The following RNU7-1 variants were observed in gnomAD, a reference collection of about 807,000 sequenced individuals.
RNU7-1 encodes the protein RNA, small nuclear U7.
rs139594532 is a variant in RNU7-1, at chr12:6,943,866, C to T, written n.51C>T. ...GTCTAGTAGGCTTTCTGGCTTTTTACCGGAAAGCCCCTCTTATGATGTTTG... is the reference window on the plus strand; with the variant it reads ...GTCTAGTAGGCTTTCTGGCTTTTTATCGGAAAGCCCCTCTTATGATGTTTG... On this transcript the variant is annotated non_coding_transcript_exon_variant, in exon 1 of 1. Transcript: ENST00000458811. The T allele has an allele frequency of 3.8e-3, 3,550 of 934,242 alleles. 9 individuals carry two copies. Among genetic ancestry groups the T allele is most frequent in the African/African-American group, 0.013 (765 of 59,148 alleles). 57.9% of individuals were successfully genotyped at this position (934,242 alleles called of 1,614,324 possible).
exon 1 of RNU7-1, chr12:6,943,824 C>T (rs1042541494): frequency 3.7e-5 from 32 of 857,344 alleles, no homozygotes; most frequent in Middle Eastern, 3.9e-4. Context: ...AGCAGTGTTA[C>T]AGCTCTTTTA....
chr12:6,943,827 C>G (rs782652720), exon 1 of RNU7-1: 51 of 863,248 alleles, frequency 5.9e-5, no homozygotes, highest in Non-Finnish European at 4.3e-5. Flanking sequence ...AGTGTTACAG[C>G]TCTTTTAGAA....
At chr12:6,943,876 CCT>C (rs1425154533) in exon 1 of RNU7-1, 6 of 982,394 alleles carry the variant, frequency 6.1e-6, no homozygotes, top group East Asian at 1.2e-4. Context: ...CCGGAAAGCC[CCT>C]CTTATGATGT....
exon 1 of RNU7-1, chr12:6,943,874 C>A (rs187552855): frequency 4.1e-6 from 4 of 967,290 alleles, no homozygotes; most frequent in Admixed American, 6.1e-5. Context: ...TACCGGAAAG[C>A]CCCTCTTATG....
chr12:6,943,829 C>T (rs894204914), exon 1 of RNU7-1: 56 of 871,616 alleles, frequency 6.4e-5, no homozygotes, highest in South Asian at 1.1e-4. Context: ...TGTTACAGCT[C>T]TTTTAGAATT....
exon 1 of RNU7-1, chr12:6,943,856 T>A (rs782444004): frequency 1.1e-6 from 1 of 932,396 alleles, no homozygotes. Flanking sequence ...GTAGGCTTTC[T>A]GGCTTTTTAC....
At chr12:6,943,842 T>G in exon 1 of RNU7-1, 11 of 884,862 alleles carry the variant, frequency 1.2e-5, no homozygotes, top group East Asian at 6.7e-5. Flanking sequence ...TTAGAATTTG[T>G]CTAGTAGGCT....
exon 1 of RNU7-1, chr12:6,943,853 T>TA (rs1298070350): frequency 3.4e-5 from 31 of 909,290 alleles, no homozygotes; most frequent in Middle Eastern, 3.6e-4. Flanking sequence ...CTAGTAGGCT[T>TA]TCTGGCTTTT....
chr12:6,943,853 T>G (rs782427287), exon 1 of RNU7-1: 9 of 909,406 alleles, frequency 9.9e-6, no homozygotes, highest in Non-Finnish European at 6.2e-6. Flanking sequence ...CTAGTAGGCT[T>G]TCTGGCTTTT....
chr12:6,943,862 T>TA lies in RNU7-1; in HGVS notation n.47_48insA, dbSNP rs1417303093. On this transcript the variant is annotated non_coding_transcript_exon_variant, in exon 1 of 1. Coordinates refer to ENST00000458811, the Ensembl canonical transcript of RNU7-1. ...ATTTGTCTAGTAGGCTTTCTGGCTT[T>TA]TTACCGGAAAGCCCCTCTTATGATG... 7 of 939,034 alleles carry TA rather than the reference T, an allele frequency of 7.5e-6. No individual in the cohort carries two copies. In the East Asian group the frequency reaches 1.5e-4, roughly 21 times the overall value. The allele number at this position is 939,034 out of a possible 1,614,324, so 58.2% of individuals were successfully genotyped here.
exon 1 of RNU7-1, chr12:6,943,825 A>C: frequency 1.2e-6 from 1 of 853,986 alleles, no homozygotes; most frequent in Non-Finnish European, 1.7e-6. Flanking sequence ...GCAGTGTTAC[A>C]GCTCTTTTAG....
rs149374821 is a variant in RNU7-1 at position 6,943,867 on chromosome 12, C to T, written n.52C>T. ...TCTAGTAGGCTTTCTGGCTTTTTAC[C>T]GGAAAGCCCCTCTTATGATGTTTGT... On this transcript the variant is annotated non_coding_transcript_exon_variant, in exon 1 of 1. Transcript: ENST00000458811. 17,018 of 939,128 alleles carry T rather than the reference C, an allele frequency of 0.018. 186 individuals carry two copies. Among genetic ancestry groups the T allele is most frequent in the Admixed American group, 0.023 (728 of 32,252 alleles). The allele number at this position is 939,128 out of a possible 1,614,324, so 58.2% of individuals were successfully genotyped here. A position where few individuals can be genotyped will look rare whatever the true frequency, so the allele number is the denominator to read the frequency against.
chr12:6,943,856 T>TAGG, exon 1 of RNU7-1: 2 of 932,398 alleles, frequency 2.1e-6, no homozygotes, highest in Non-Finnish European at 3.0e-6. Flanking sequence ...GTAGGCTTTC[T>TAGG]GGCTTTTTAC....
exon 1 of RNU7-1, chr12:6,943,876 C>CT: frequency 1.0e-6 from 1 of 982,394 alleles, no homozygotes; most frequent in South Asian, 1.7e-5. Context: ...CCGGAAAGCC[C>CT]CTCTTATGAT....
chr12:6,943,871 A>G (rs948467413), exon 1 of RNU7-1: 47 of 955,264 alleles, frequency 4.9e-5, no homozygotes, highest in African/African-American at 1.0e-4. Flanking sequence ...TTTTACCGGA[A>G]AGCCCCTCTT....
chr12:6,943,874 C>CCCCTCTTATGAT (rs782658112), exon 1 of RNU7-1: 16 of 967,290 alleles, frequency 1.7e-5, no homozygotes, highest in Admixed American at 6.1e-5. Flanking sequence ...TACCGGAAAG[C>CCCCTCTTATGAT]CCCTCTTATG....
In RNU7-1 at chr12:6,943,848, AGGCTTTCT is replaced by A. The variant is rs1255543147; in HGVS notation, n.40_47del. On this transcript the variant is annotated non_coding_transcript_exon_variant, in exon 1 of 1. Coordinates refer to ENST00000458811, the Ensembl canonical transcript of RNU7-1. ...ACAGCTCTTTTAGAATTTGTCTAGT[AGGCTTTCT>A]GGCTTTTTACCGGAAAGCCCCTCTT... 126 of 899,044 alleles carry A rather than the reference AGGCTTTCT, an allele frequency of 1.4e-4. No homozygotes were observed. The highest frequency in any genetic ancestry group is 2.1e-4 in the South Asian group (12 of 56,346). The allele number at this position is 899,044 out of a possible 1,614,324, so 55.7% of individuals were successfully genotyped here. A position where few individuals can be genotyped will look rare whatever the true frequency, so the allele number is the denominator to read the frequency against.
chr12:6,943,864 T>C lies in RNU7-1; in HGVS notation n.49T>C, dbSNP rs145994149. ...TTGTCTAGTAGGCTTTCTGGCTTTT[T>C]ACCGGAAAGCCCCTCTTATGATGTT... On this transcript the variant is annotated non_coding_transcript_exon_variant, in exon 1 of 1. Transcript: ENST00000458811. 1,808 of 937,242 alleles carry C rather than the reference T, an allele frequency of 1.9e-3. 5 individuals are homozygous for C. Among genetic ancestry groups the C allele is most frequent in the African/African-American group, 6.5e-3 (384 of 59,256 alleles). The allele number at this position is 937,242 out of a possible 1,614,324, so 58.1% of individuals were successfully genotyped here.
rs149374821 is a variant in RNU7-1 at position 6,943,867 on chromosome 12, C to A, written n.52C>A. On this transcript the variant is annotated non_coding_transcript_exon_variant, in exon 1 of 1. Coordinates refer to ENST00000458811, the Ensembl canonical transcript of RNU7-1. ...TCTAGTAGGCTTTCTGGCTTTTTAC[C>A]GGAAAGCCCCTCTTATGATGTTTGT... The A allele has an allele frequency of 1.2e-5, 11 of 939,242 alleles. No individual in the cohort carries two copies. In the East Asian group the frequency reaches 1.2e-4, roughly 10 times the overall value. The allele number at this position is 939,242 out of a possible 1,614,324, so 58.2% of individuals were successfully genotyped here. A position where few individuals can be genotyped will look rare whatever the true frequency, so the allele number is the denominator to read the frequency against.
Sources: allele counts gnomAD v4.1 joint callset, GRCh38; gene constraint gnomAD v4.1.1; transcripts MANE v1.5; gene names NCBI Gene and HGNC (gene_info 2026-07-23, HGNC 2026-07-21).